The following PRKN variants were observed in gnomAD, a reference collection of about 807,000 sequenced individuals.
The protein encoded by PRKN is parkin RBR E3 ubiquitin protein ligase, also known as E3 ubiquitin-protein ligase parkin.
In PRKN, 56 loss-of-function variants were observed where a neutral mutation model predicts 59.5. That is an observed-to-expected ratio of 0.94 (90% confidence interval 0.76 to 1.18). PRKN has a LOEUF of 1.18. Ranked by LOEUF, PRKN falls within the 50% of genes most tolerant of loss-of-function variation. The pLI, the probability that PRKN is intolerant of heterozygous loss-of-function variation, is 0.00. For missense variants in PRKN, 657 were observed against 596.4 expected, an observed-to-expected ratio of 1.10 and a Z score of -1.06; for synonymous variants, 250 against 222.1, an observed-to-expected ratio of 1.13 and a Z score of -1.12.
At position 161,526,267 on chromosome 6, in the gene PRKN, A is replaced by G. The variant is rs1044914192; in HGVS notation, c.1083+22587T>C. ...GGTACAGCTGGCTCCAGCCTCCAGT[A>G]GACACTCATGTGTTCAGACACATGC... is the stretch of plus-strand genomic sequence containing the variant. On this transcript the variant is annotated intron_variant, in intron 9 of 11. Coordinates refer to ENST00000366898, the MANE Select transcript of PRKN (RefSeq NM_004562.3). The surrounding 1 kb of genome is among the most constrained non-coding windows in gnomAD (Gnocchi z 4.1). Among the ~76,000 whole-genome samples the G allele has an allele frequency of 6.6e-6, 1 of 152,244 alleles. No homozygotes were observed. Among genetic ancestry groups the G allele is most frequent in the Non-Finnish European group, 1.5e-5 (1 of 68,044 alleles).
At chr6:162,638,789 T>G (rs1462933572) in intron 1 of PRKN, among the ~76,000 whole-genome samples, 1 of 138,716 alleles carries the variant, frequency 7.2e-6, no homozygotes, top group Non-Finnish European at 1.5e-5. Flanking sequence ...TTGTTGCCCA[T>G]GCTGGAGTGC....
intron 7 of PRKN, among the ~76,000 whole-genome samples, chr6:161,747,397 C>CTTT (rs3066567): frequency 2.5e-4 from 37 of 146,054 alleles, no homozygotes; most frequent in South Asian, 1.3e-3. Flanking sequence ...ATATGTTTCT[C>CTTT]TTTTTTTTTT....
intron 1 of PRKN, among the ~76,000 whole-genome samples, chr6:162,604,247 T>C (rs541528265): frequency 1.3e-5 from 2 of 152,282 alleles, no homozygotes; most frequent in Admixed American, 1.3e-4. Context: ...TCAAAAAGAA[T>C]CACTGAGCAC....
chr6:161,430,575 G>C (rs550865299), intron 9 of PRKN, among the ~76,000 whole-genome samples: 2 of 152,050 alleles, frequency 1.3e-5, no homozygotes, highest in Non-Finnish European at 2.9e-5. Context: ...AAGCACTTTG[G>C]GGGGCCGAGG....
intron 1 of PRKN, among the ~76,000 whole-genome samples, chr6:162,724,948 G>A (rs554372962): frequency 5.5e-4 from 84 of 152,218 alleles, no homozygotes; most frequent in Middle Eastern, 3.2e-3. Context: ...ACGAACATCT[G>A]GGTTGCTTGG....
intron 1 of PRKN, among the ~76,000 whole-genome samples, chr6:162,495,261 G>A (rs576236575): frequency 8.1e-4 from 124 of 152,198 alleles, no homozygotes; most frequent in Non-Finnish European, 1.6e-3. Context: ...AATACATATC[G>A]TGTTCCAAAA....
intron 2 of PRKN, among the ~76,000 whole-genome samples, chr6:162,342,373 C>A (rs368340892): frequency 3.3e-5 from 5 of 152,142 alleles, no homozygotes; most frequent in African/African-American, 7.2e-5. Context: ...TTTAATAAGA[C>A]CCTGAATAAG....
In PRKN at chr6:161,593,683, T is replaced by C. The variant is rs1697799412; in HGVS notation, c.872-24267A>G. 1.3e-5 allele frequency among the ~76,000 whole-genome samples: 2 copies of C among 151,856 alleles called. No individual in the cohort carries two copies. ...GGACAGTGGTGCCTTCTACTGAGAG[T>C]AGGAAGACTGGGGAAGAGCGAGAGA... On this transcript the variant is annotated intron_variant, in intron 7 of 11. Transcript: ENST00000366898. The surrounding 1 kb of genome is among the most constrained non-coding windows in gnomAD (Gnocchi z 4.8).
chr6:161,350,358 G>C (rs1352253457), intron 11 of PRKN, 147 bp from the exon 12 acceptor site: 1 of 646,924 alleles, frequency 1.5e-6, no homozygotes, highest in Non-Finnish European at 2.8e-6. Flanking sequence ...TTAACTGAGG[G>C]GAAAAACTTC....
At chr6:162,367,972 G>A (rs990982393) in intron 2 of PRKN, among the ~76,000 whole-genome samples, 9 of 152,150 alleles carry the variant, frequency 5.9e-5, no homozygotes, top group Admixed American at 5.9e-4. Context: ...TCACGGAGGA[G>A]TGGCATGGAG....
chr6:161,949,278 G>A (rs1009445977), intron 6 of PRKN, among the ~76,000 whole-genome samples: 29 of 152,310 alleles, frequency 1.9e-4, no homozygotes, highest in African/African-American at 5.5e-4. Flanking sequence ...TTGGGAGGCC[G>A]AGGCGGGTGG....
In PRKN at chr6:162,176,990, T is replaced by C. The variant is rs139432746; in HGVS notation, c.534+24141A>G. On this transcript the variant is annotated intron_variant, in intron 4 of 11. Coordinates refer to ENST00000366898, the MANE Select transcript of PRKN (RefSeq NM_004562.3). ...AAATGAAAGCAAAAGTGTGAATTAT[T>C]ACAGCCTGAAATTAAGGAAATAAGT... 6.5e-3 allele frequency among the ~76,000 whole-genome samples: 987 copies of C among 151,548 alleles called. 9 individuals are homozygous for C. Among genetic ancestry groups the C allele is most frequent in the African/African-American group, 0.022 (924 of 41,392 alleles).
At chr6:161,790,319 G>A (rs1000656770) in intron 6 of PRKN, among the ~76,000 whole-genome samples, 5 of 152,100 alleles carry the variant, frequency 3.3e-5, no homozygotes, top group African/African-American at 4.8e-5. Flanking sequence ...AAATGGTGGG[G>A]GACAAGATGA....
intron 4 of PRKN, among the ~76,000 whole-genome samples, chr6:162,115,348 G>A (rs1249655026): frequency 6.6e-6 from 1 of 151,488 alleles, no homozygotes; most frequent in Non-Finnish European, 1.5e-5. Flanking sequence ...ACTGTTGTGG[G>A]GTGGGGGGAG....
Position 161,785,901 on chromosome 6 carries a change from C to T in PRKN, c.742G>A (p.Val248Ile), listed in dbSNP as rs777074432. ...CITCTDVRSP[V>I]LVFQCNSRHV... ...CGGGAGTTGCACTGGAAAACCAGGA[C>T]GGGGCTCCTGCAGAGAGAAAGGAAG... is the stretch of plus-strand genomic sequence containing the variant. The change falls in exon 7 of 12, where the codon GTC (valine) becomes ATC (isoleucine). Residue 248 changes from valine (V) to isoleucine (I), a missense_variant. Transcript: ENST00000366898. The T allele has an allele frequency of 7.4e-5, 120 of 1,613,946 alleles. 2 individuals are homozygous for T. In the South Asian group the frequency reaches 1.2e-3, roughly 16 times the overall value.
At chr6:162,248,542 A>G (rs1779294587) in intron 3 of PRKN, among the ~76,000 whole-genome samples, 1 of 152,162 alleles carries the variant, frequency 6.6e-6, no homozygotes, top group Non-Finnish European at 1.5e-5. Context: ...TGTGCCAGAT[A>G]CTCTGAACTA....
chr6:161,787,437 T>A (rs1035532472), intron 6 of PRKN, among the ~76,000 whole-genome samples: 3 of 152,188 alleles, frequency 2.0e-5, no homozygotes, highest in Non-Finnish European at 4.4e-5. Flanking sequence ...CGCATACACA[T>A]GCTCAAGCAC....
At chr6:161,768,984 G>T (rs79130045) in intron 7 of PRKN, among the ~76,000 whole-genome samples, 4 of 152,080 alleles carry the variant, frequency 2.6e-5, no homozygotes, top group African/African-American at 9.7e-5. Context: ...TTGTGCAATA[G>T]ATCTAATATA....
intron 3 of PRKN, among the ~76,000 whole-genome samples, chr6:162,206,168 G>C (rs1784929498): frequency 6.6e-6 from 1 of 152,152 alleles, no homozygotes; most frequent in South Asian, 2.1e-4. Context: ...ATCTGTTCTT[G>C]AGACGCACCT....
Sources: gnomAD v4.1 joint callset for allele counts (sites outside exome capture counted in the v4.1 genomes callset) on GRCh38, gnomAD v4.1.1 for gene constraint, Gnocchi (gnomAD v3.1) non-coding constraint, MANE v1.5 for transcripts, NCBI Gene and HGNC (gene_info 2026-07-23, HGNC 2026-07-21) for gene names.